DPP10: variants seen among roughly 807,000 people sequenced by gnomAD.
DPP10 encodes dipeptidyl peptidase like 10, also known as inactive dipeptidyl peptidase 10.
DPP10 carries 33 observed loss-of-function variants against 120.9 expected under a neutral mutation model. That is an observed-to-expected ratio of 0.27 (90% CI 0.21 to 0.37). The LOEUF is 0.37. DPP10 is among the 10% of genes least tolerant of loss of function. The pLI, the probability that DPP10 is intolerant of heterozygous loss-of-function variation, is 1.00. For missense variants in DPP10, 816 were observed against 942.8 expected, an observed-to-expected ratio of 0.87 and a Z score of 1.76; for synonymous variants, 337 against 326.1, an observed-to-expected ratio of 1.03 and a Z score of -0.36.
intron 5 of DPP10, among the ~76,000 whole-genome samples, chr2:115,585,679 A>T (rs566697172): frequency 6.6e-6 from 1 of 152,160 alleles, no homozygotes; most frequent in East Asian, 1.9e-4. Flanking sequence ...TATCTTCCCT[A>T]CCATTTCCAT....
intron 1 of DPP10, among the ~76,000 whole-genome samples, chr2:115,057,650 C>T (rs925699957): frequency 6.6e-6 from 1 of 152,174 alleles, no homozygotes; most frequent in African/African-American, 2.4e-5. Flanking sequence ...TTAGCAAAAA[C>T]ACAAAGCAGC....
intron 2 of DPP10, among the ~76,000 whole-genome samples, chr2:115,332,617 A>G (rs2062825104): frequency 1.3e-5 from 2 of 152,020 alleles, no homozygotes; most frequent in South Asian, 4.1e-4. Flanking sequence ...AGATTCTGGT[A>G]TGTTGTGTGT....
At chr2:114,824,201 C>G (rs1376066841) in intron 1 of DPP10, among the ~76,000 whole-genome samples, 1 of 152,096 alleles carries the variant, frequency 6.6e-6, no homozygotes, top group Non-Finnish European at 1.5e-5. Flanking sequence ...TGCTTATGAC[C>G]TTAGTGTTAA....
chr2:114,663,233 G>C (rs1697567919), intron 1 of DPP10, among the ~76,000 whole-genome samples: 1 of 141,624 alleles, frequency 7.1e-6, no homozygotes, highest in Non-Finnish European at 1.5e-5. Flanking sequence ...TATATTAAGA[G>C]CCTTGTGTGT....
chr2:114,824,430 T>C (rs1050417151), intron 1 of DPP10, among the ~76,000 whole-genome samples: 3 of 152,100 alleles, frequency 2.0e-5, no homozygotes, highest in Non-Finnish European at 2.9e-5. Flanking sequence ...GTAATGAGGG[T>C]TCGTTTTTGG....
chr2:115,696,122 A>C (rs1462598367), intron 7 of DPP10, among the ~76,000 whole-genome samples: 1 of 152,148 alleles, frequency 6.6e-6, no homozygotes, highest in Non-Finnish European at 1.5e-5. Context: ...ATGGAATACC[A>C]TCAAGTGGGG....
chr2:114,586,742 T>C (rs1691012642), intron 1 of DPP10, among the ~76,000 whole-genome samples: 1 of 152,178 alleles, frequency 6.6e-6, no homozygotes, highest in African/African-American at 2.4e-5. Context: ...ATGAATGGCT[T>C]GGAGTTCTCT....
intron 1 of DPP10, among the ~76,000 whole-genome samples, chr2:114,576,371 C>G (rs1041237025): frequency 6.6e-6 from 1 of 152,150 alleles, no homozygotes; most frequent in Non-Finnish European, 1.5e-5. Flanking sequence ...AGGAGGGAAT[C>G]GTAGTACTGG....
intron 19 of DPP10, among the ~76,000 whole-genome samples, chr2:115,796,299 C>T (rs1684520897): frequency 6.6e-6 from 1 of 152,152 alleles, no homozygotes; most frequent in Non-Finnish European, 1.5e-5. Flanking sequence ...ACCGCTATTA[C>T]AAACATGTAA....
chr2:114,914,891 G>A (rs893834907), intron 1 of DPP10, among the ~76,000 whole-genome samples: 1 of 152,168 alleles, frequency 6.6e-6, no homozygotes, highest in Admixed American at 6.5e-5. Context: ...CAGCACTTTG[G>A]GAGGCCGAGG....
At chr2:115,045,614 A>C (rs538349348) in intron 1 of DPP10, among the ~76,000 whole-genome samples, 8 of 152,224 alleles carry the variant, frequency 5.3e-5, no homozygotes, top group Non-Finnish European at 1.0e-4. Flanking sequence ...TCTCAAGTGC[A>C]CTGATTTTCT....
At chr2:115,506,316 CATT>C (rs2076939736) in intron 4 of DPP10, among the ~76,000 whole-genome samples, 1 of 152,046 alleles carries the variant, frequency 6.6e-6, no homozygotes, top group African/African-American at 2.4e-5. Context: ...TTTTGGTAAA[CATT>C]AAATGATAAT....
chr2:115,743,442 G>C (rs1677539961), intron 9 of DPP10, among the ~76,000 whole-genome samples: 1 of 152,126 alleles, frequency 6.6e-6, no homozygotes, highest in Non-Finnish European at 1.5e-5. Flanking sequence ...CTTTAAGAAA[G>C]TATGCCATAA....
intron 3 of DPP10, among the ~76,000 whole-genome samples, chr2:115,486,594 C>T (rs992425308): frequency 1.3e-5 from 2 of 152,062 alleles, no homozygotes; most frequent in Non-Finnish European, 2.9e-5. Context: ...GACCATTCAA[C>T]AAGAGTGTTG....
At chr2:115,837,202 T>TTACC (rs1559223815) in intron 24 of DPP10, among the ~76,000 whole-genome samples, 1 of 152,168 alleles carries the variant, frequency 6.6e-6, no homozygotes, top group East Asian at 1.9e-4. Flanking sequence ...TCTAATGAGG[T>TTACC]TACCCGCTTA....
chr2:115,159,241 T>G (rs1191717487), intron 1 of DPP10, among the ~76,000 whole-genome samples: 3 of 152,084 alleles, frequency 2.0e-5, no homozygotes, highest in Non-Finnish European at 2.9e-5. Flanking sequence ...GGCGGATAAC[T>G]AGGTCAGGAG....
At chr2:115,663,044 T>TG (rs571581746) in intron 5 of DPP10, among the ~76,000 whole-genome samples, 231 of 152,214 alleles carry the variant, frequency 1.5e-3, no homozygotes, top group African/African-American at 5.3e-3. Context: ...TGTATATATT[T>TG]GGGGGGCACA....
intron 1 of DPP10, among the ~76,000 whole-genome samples, chr2:115,243,585 A>G (rs1437272011): frequency 3.3e-5 from 5 of 152,274 alleles, no homozygotes; most frequent in Admixed American, 2.6e-4. Flanking sequence ...ATGATTGAGT[A>G]GAAAATCTCA....
intron 1 of DPP10, among the ~76,000 whole-genome samples, chr2:114,691,261 G>A (rs974855081): frequency 6.6e-6 from 1 of 152,056 alleles, no homozygotes; most frequent in Admixed American, 6.6e-5. Context: ...TTTACTGAGA[G>A]TTTTAAACAT....
Sources: gnomAD v4.1 joint callset for allele counts (sites outside exome capture counted in the v4.1 genomes callset) on GRCh38, gnomAD v4.1.1 for gene constraint, MANE v1.5 for transcripts, NCBI Gene and HGNC (gene_info 2026-07-23, HGNC 2026-07-21) for gene names.